The following CLIP4 variants were observed in gnomAD, a reference collection of about 807,000 sequenced individuals.
The protein encoded by CLIP4 is CAP-Gly domain containing linker protein family member 4.
A neutral mutation model predicts 73.1 loss-of-function variants in CLIP4; 47 were observed. The observed-to-expected ratio is 0.64, with a 90% CI of 0.51 to 0.82. The LOEUF (loss-of-function observed/expected upper bound fraction) is 0.82, where lower values mean the gene tolerates loss of function less well. Ranked by LOEUF, CLIP4 falls within the 40% of genes least tolerant of loss-of-function variation. The pLI is 0.00. For synonymous variants in CLIP4, 306 were observed against 295.4 expected (o/e 1.04, Z -0.37); for missense variants, 874 against 852.9 (o/e 1.02, Z -0.31).
chr2:29,165,228 CCTTG>C (rs1354373612), intron 13 of CLIP4, among the ~76,000 whole-genome samples: 1 of 151,544 alleles, frequency 6.6e-6, no homozygotes, highest in Admixed American at 6.6e-5. Context: ...TTCTGTAAGC[CCTTG>C]CTTTTAGATG....
In CLIP4 at chr2:29,183,428, T is replaced by C. The variant is rs774636341; in HGVS notation, c.*1535T>C. On this transcript the variant is annotated 3_prime_UTR_variant, in exon 16 of 16. Coordinates refer to ENST00000320081, the MANE Select transcript of CLIP4 (RefSeq NM_024692.6). The stretch of plus-strand genomic sequence containing the variant: ...AAGGCTGCTTTGTAATCAAGGAATA[T>C]TTTTATTGATTGAAGGAAATGACTG... 1.3e-5 allele frequency: 2 copies of C among 152,674 alleles called. No individual in the cohort carries two copies. The highest frequency in any genetic ancestry group is 2.9e-5 in the Non-Finnish European group (2 of 68,042). The allele number at this position is 152,674 out of a possible 1,614,324, so 9.5% of individuals were successfully genotyped here.
At chr2:29,143,028 G>T (rs987638074) in intron 6 of CLIP4, among the ~76,000 whole-genome samples, 7 of 152,206 alleles carry the variant, frequency 4.6e-5, no homozygotes, top group Admixed American at 3.9e-4. Flanking sequence ...GGTTTTAGTA[G>T]TATCAAAACC....
chr2:29,113,673 A>G (rs972234466), upstream of CLIP4, among the ~76,000 whole-genome samples: 24 of 152,222 alleles, frequency 1.6e-4, no homozygotes, highest in Admixed American at 2.0e-4. This position sits in a 1 kb window ranked among gnomAD's most constrained non-coding sequence, Gnocchi z 4.0. Flanking sequence ...GATCTTTATT[A>G]TAACTAAGAA....
At position 29,137,210 on chromosome 2, in the gene CLIP4, CTGT is replaced by C. The variant is rs541630762; in HGVS notation, c.648+1549_648+1551del. ...CTCCCGTCTTTAGGGGTCCCAGTGT[CTGT>C]TGTTCCCATCTTTATGTCTGTGTGT... On this transcript the variant is annotated intron_variant, in intron 6 of 15. Coordinates refer to ENST00000320081, the MANE Select transcript of CLIP4 (RefSeq NM_024692.6). Among the ~76,000 whole-genome samples, 1,047 of 152,158 alleles carry C rather than the reference CTGT, an allele frequency of 6.9e-3. 19 individuals carry two copies. Among genetic ancestry groups the C allele is most frequent in the African/African-American group, 0.024 (1,012 of 41,492 alleles).
At chr2:29,130,892 G>T in intron 2 of CLIP4, 5 of 1,290,524 alleles carry the variant, frequency 3.9e-6, no homozygotes, top group Non-Finnish European at 5.0e-6. Flanking sequence ...TCAGTGGTGA[G>T]TTACCTCAGC....
At position 29,183,279 on chromosome 2, in the gene CLIP4, A is replaced by G. The variant is rs145650308; in HGVS notation, c.*1386A>G. On this transcript the variant is annotated 3_prime_UTR_variant, in exon 16 of 16. Transcript: ENST00000320081. ...GGAGCTTGCCTTGTGCTTAGAAATA[A>G]TATGTTGAACTATTTTGCAATATAC... The G allele has an allele frequency of 7.9e-5, 12 of 152,762 alleles. No individual in the cohort carries two copies. The highest frequency in any genetic ancestry group is 2.4e-4 in the African/African-American group (10 of 41,584). 9.5% of individuals were successfully genotyped at this position (152,762 alleles called of 1,614,324 possible). A position where few individuals can be genotyped will look rare whatever the true frequency, so the allele number is the denominator to read the frequency against.
In CLIP4 at chr2:29,133,832, T is replaced by A. The variant is rs1247621395; in HGVS notation, c.529+16T>A. ...AAACCAAAAGGCAAGTATTATAAGA[T>A]CACCTTTAGATATTATTAACTGAAC... On this transcript the variant is annotated intron_variant, in intron 5 of 15. Coordinates refer to ENST00000320081, the MANE Select transcript of CLIP4 (RefSeq NM_024692.6). 1 of 1,585,596 alleles carries A rather than the reference T, an allele frequency of 6.3e-7. No homozygotes were observed. Among genetic ancestry groups the A allele is most frequent in the East Asian group, 2.2e-5 (1 of 44,590 alleles).
At chr2:29,170,381 A>G (rs1019018909) in intron 14 of CLIP4, among the ~76,000 whole-genome samples, 1 of 152,200 alleles carries the variant, frequency 6.6e-6, no homozygotes, top group Non-Finnish European at 1.5e-5. Context: ...AACAGCATAC[A>G]ACAGTGTCCC....
At chr2:29,140,254 A>G (rs1665667167) in intron 6 of CLIP4, among the ~76,000 whole-genome samples, 1 of 151,658 alleles carries the variant, frequency 6.6e-6, no homozygotes, top group South Asian at 2.1e-4. Context: ...AACAGTCCCC[A>G]GAGTGTGATG....
intron 2 of CLIP4, among the ~76,000 whole-genome samples, chr2:29,122,817 CTT>C (rs939516114): frequency 5.1e-5 from 4 of 77,956 alleles, no homozygotes; most frequent in Non-Finnish European, 6.8e-5. Context: ...CAGAGTGAGA[CTT>C]TGTCTCCAAA....
chr2:29,163,909 G>A lies in CLIP4; in HGVS notation c.1613G>A (p.Cys538Tyr), dbSNP rs761509064. The change falls in exon 13 of 16, where the codon TGT becomes TAT. Residue 538 changes from cysteine (C) to tyrosine (Y), a missense_variant. Transcript: ENST00000320081. The stretch of plus-strand genomic sequence containing the variant: ...GTTGGAGGTGTGCAGTATTTTAGCT[G>A]TTCTCCAAGATATGGAATATTTGCT... ...GSVGGVQYFS[C>Y]SPRYGIFAPP... 6.2e-7 allele frequency: 1 copy of A among 1,613,374 alleles called. No homozygotes were observed. Among genetic ancestry groups the A allele is most frequent in the South Asian group, 1.1e-5 (1 of 91,012 alleles).
chr2:29,128,617 C>G (rs1664770496), intron 2 of CLIP4, among the ~76,000 whole-genome samples: 1 of 152,056 alleles, frequency 6.6e-6, no homozygotes, highest in Admixed American at 6.5e-5. Flanking sequence ...GGCCCATACT[C>G]CAAGAAAGTT....
chr2:29,148,278 G>T (rs1469751188), intron 8 of CLIP4, among the ~76,000 whole-genome samples: 2 of 152,128 alleles, frequency 1.3e-5, no homozygotes, highest in Non-Finnish European at 2.9e-5. Flanking sequence ...TCTCAACAAT[G>T]GTTTTCTCTC....
intron 15 of CLIP4, among the ~76,000 whole-genome samples, chr2:29,177,824 A>G (rs1297181299): frequency 6.6e-6 from 1 of 152,168 alleles, no homozygotes; most frequent in East Asian, 1.9e-4. Flanking sequence ...CATGCCTGCC[A>G]TTTCATAGGT....
At chr2:29,117,489 G>A (rs771368682) in intron 1 of CLIP4, among the ~76,000 whole-genome samples, 2 of 151,932 alleles carry the variant, frequency 1.3e-5, no homozygotes, top group South Asian at 2.1e-4. Flanking sequence ...GATTACAGGC[G>A]CCTGCTACCA....
intron 4 of CLIP4, among the ~76,000 whole-genome samples, chr2:29,132,982 G>A (rs1277267181): frequency 6.6e-6 from 1 of 152,118 alleles, no homozygotes; most frequent in Non-Finnish European, 1.5e-5. Context: ...GAGGCCAGGA[G>A]TTTGAGACCA....
intron 12 of CLIP4, among the ~76,000 whole-genome samples, chr2:29,161,137 G>A (rs111991955): frequency 1.4e-3 from 213 of 152,116 alleles, no homozygotes; most frequent in Admixed American, 2.2e-3. Context: ...ACCACGCCCC[G>A]CTAATTTTGT....
chr2:29,151,261 A>G (rs1351414620), intron 8 of CLIP4, among the ~76,000 whole-genome samples: 1 of 152,096 alleles, frequency 6.6e-6, no homozygotes, highest in East Asian at 1.9e-4. Flanking sequence ...ATTTCTTTAA[A>G]ATTAATTCTA....
At chr2:29,132,879 C>G (rs1281709612) in intron 4 of CLIP4, among the ~76,000 whole-genome samples, 2 of 151,906 alleles carry the variant, frequency 1.3e-5, no homozygotes. Context: ...AATATAAGCC[C>G]AAATATTTTT....
Sources: allele counts gnomAD v4.1 joint callset (sites outside exome capture counted in the v4.1 genomes callset), GRCh38; gene constraint gnomAD v4.1.1; non-coding constraint Gnocchi (gnomAD v3.1); transcripts MANE v1.5; gene names NCBI Gene and HGNC (gene_info 2026-07-23, HGNC 2026-07-21).